The following RFC5 variants were observed in gnomAD, a reference collection of about 807,000 sequenced individuals.
The protein encoded by RFC5 is replication factor C subunit 5, also known as A1 36 kDa subunit.
RFC5 carries 26 observed loss-of-function variants against 44.3 expected under a neutral mutation model. That is an observed-to-expected ratio of 0.59 (90% CI 0.43 to 0.81). The LOEUF (loss-of-function observed/expected upper bound fraction) is 0.81. Ranked by LOEUF, RFC5 falls within the 40% of genes least tolerant of loss-of-function variation. The pLI is 0.00. For synonymous variants in RFC5, 155 were observed against 155.2 expected (o/e 1.00, Z 0.01); for missense variants, 328 against 418.6 (o/e 0.78, Z 1.89).
At chr12:118,023,408 A>AGGG (rs1566123886) in intron 5 of RFC5, among the ~76,000 whole-genome samples, 1 of 24,072 alleles carries the variant, frequency 4.2e-5, no homozygotes. Context: ...GGGGAGGAGG[A>AGGG]GGAGGGGGGA....
At chr12:118,031,135 G>A (rs1474325655) in intron 10 of RFC5, 47 bp from the exon 11 acceptor site, 1 of 1,340,158 alleles carries the variant, frequency 7.5e-7, no homozygotes, top group Non-Finnish European at 1.1e-6. Flanking sequence ...AGAAAAGGCA[G>A]CTGTGTTTGG....
intron 10 of RFC5, 99 bp downstream of exon 10, chr12:118,029,924 A>G: frequency 1.1e-6 from 1 of 874,938 alleles, no homozygotes; most frequent in Non-Finnish European, 1.9e-6. Flanking sequence ...TTTTTCCTAA[A>G]TCGTTCACAT....
chr12:118,024,215 T>C (rs1041466039), intron 5 of RFC5, among the ~76,000 whole-genome samples: 2 of 151,442 alleles, frequency 1.3e-5, no homozygotes, highest in African/African-American at 2.4e-5. Flanking sequence ...GTGGCACGTG[T>C]CTGTAGTCCC....
chr12:118,024,771 C>A, intron 5 of RFC5, 80 bp from the exon 6 acceptor site: 3 of 1,248,444 alleles, frequency 2.4e-6, no homozygotes, highest in Non-Finnish European at 3.4e-6. Flanking sequence ...CTTGTGACCA[C>A]AGAAAAATTC....
At chr12:118,017,580 A>C in intron 1 of RFC5, 1 of 835,598 alleles carries the variant, frequency 1.2e-6, no homozygotes. Flanking sequence ...AAAAGCTGCA[A>C]GTTGTCATTG....
At chr12:118,032,772 G>A (rs896758436), downstream of RFC5, 1 of 152,132 alleles carries the variant, frequency 6.6e-6, no homozygotes, top group Non-Finnish European at 1.5e-5. Context: ...TGAACTCCTG[G>A]GCTCAAGCAG....
the RFC5 span, chr12:118,038,147 T>C: frequency 1.5e-6 from 1 of 647,296 alleles, no homozygotes; most frequent in East Asian, 3.0e-5. Context: ...AAGGGACTTT[T>C]GCAGGTGGTG....
chr12:118,020,106 G>A (rs1281848354), intron 3 of RFC5, among the ~76,000 whole-genome samples: 1 of 152,170 alleles, frequency 6.6e-6, no homozygotes, highest in Non-Finnish European at 1.5e-5. Flanking sequence ...TGCCTGGAAG[G>A]CTGAGCCCTA....
chr12:118,031,262 T>C lies in RFC5; in HGVS notation c.1007T>C (p.Ile336Thr), dbSNP rs754712611. The stretch of plus-strand genomic sequence containing the variant: ...GCATTTCAAGTCACCAGAGACCTGA[T>C]TGTTGCAGAGGCCTAGATGCTCTGA... ...IAAFQVTRDL[I>T]VAEA is the part of the protein sequence containing the mutation. The change falls in exon 11 of 11, where the codon ATT (isoleucine) becomes ACT (threonine). Residue 336 changes from isoleucine to threonine, a missense_variant. Coordinates refer to ENST00000454402, the MANE Select transcript of RFC5 (RefSeq NM_007370.7). The C allele has an allele frequency of 4.3e-6, 7 of 1,612,172 alleles. No individual in the cohort carries two copies. Among genetic ancestry groups the C allele is most frequent in the Admixed American group, 1.7e-5 (1 of 59,994 alleles).
chr12:118,017,281 G>T (rs1430835827), intron 1 of RFC5, among the ~76,000 whole-genome samples: 1 of 152,154 alleles, frequency 6.6e-6, no homozygotes, highest in Non-Finnish European at 1.5e-5. Flanking sequence ...TAGTAATAAC[G>T]CTCCCTGGTC....
chr12:118,019,848 C>T lies in RFC5; in HGVS notation c.267+80C>T. On this transcript the variant is annotated intron_variant, in intron 3 of 10. Coordinates refer to ENST00000454402, the MANE Select transcript of RFC5 (RefSeq NM_007370.7). This position sits in a 1 kb window ranked among gnomAD's most constrained non-coding sequence, Gnocchi z 4.2. Reference sequence around the variant, plus strand: ...TTTCAGTTCTGCTGGTTTTATTTTACTTTAAAAGTAAGTTGCCCCACGGAC... The same window carrying T: ...TTTCAGTTCTGCTGGTTTTATTTTATTTTAAAAGTAAGTTGCCCCACGGAC... 1 of 1,241,044 alleles carries T rather than the reference C, an allele frequency of 8.1e-7. No individual in the cohort carries two copies. The highest frequency in any genetic ancestry group is 1.1e-6 in the Non-Finnish European group (1 of 877,226). The allele number at this position is 1,241,044 out of a possible 1,614,324, so 76.9% of individuals were successfully genotyped here.
chr12:118,028,426 A>G (rs2031095838), intron 9 of RFC5, among the ~76,000 whole-genome samples: 2 of 150,756 alleles, frequency 1.3e-5, no homozygotes, highest in Admixed American at 6.7e-5. Flanking sequence ...TGGAGGTTGC[A>G]GTGAGCCAAG....
At chr12:118,021,563 A>C (rs963851572) in intron 4 of RFC5, among the ~76,000 whole-genome samples, 3 of 151,904 alleles carry the variant, frequency 2.0e-5, no homozygotes, top group Admixed American at 6.6e-5. Flanking sequence ...AGAACTGGCT[A>C]GATTACCCTA....
chr12:118,034,672 G>A (rs770959744), downstream of RFC5: 93 of 489,912 alleles, frequency 1.9e-4, no homozygotes, highest in Non-Finnish European at 2.7e-4. Flanking sequence ...AATTATAGAT[G>A]TTACCTGTAA....
Position 118,019,564 on chromosome 12 carries a change from C to A in RFC5, c.131-68C>A. The A allele has an allele frequency of 1.3e-6, 2 of 1,586,406 alleles. No homozygotes were observed. Among genetic ancestry groups the A allele is most frequent in the Non-Finnish European group, 8.6e-7 (1 of 1,160,388 alleles). The stretch of plus-strand genomic sequence containing the variant: ...GGGTTGAAGAGCTTTCAGCCCAACT[C>A]AGGAGCCCAGGGTGAATGAGGCAGC... On this transcript the variant is annotated intron_variant, in intron 2 of 10. Coordinates refer to ENST00000454402, the MANE Select transcript of RFC5 (RefSeq NM_007370.7). The surrounding 1 kb of genome is among the most constrained non-coding windows in gnomAD (Gnocchi z 4.2).
Position 118,028,035 on chromosome 12 carries a change from C to CT in RFC5, c.871+7dup. On this transcript the variant is annotated splice_donor_region_variant and intron_variant, in intron 9 of 10. Transcript: ENST00000454402. The stretch of plus-strand genomic sequence containing the variant: ...TACACTTGTTTGTGCATAGAGGTAA[C>CT]TTACATTATCCCCCAGCTGAGAAGC... 1 of 1,575,398 alleles carries CT rather than the reference C, an allele frequency of 6.3e-7. No individual in the cohort carries two copies.
chr12:118,027,981 G>T lies in RFC5; in HGVS notation c.822G>T (p.Gly274=), dbSNP rs150426000. 2 of 1,610,534 alleles carry T rather than the reference G, an allele frequency of 1.2e-6. No homozygotes were observed. Among genetic ancestry groups the T allele is most frequent in the African/African-American group, 2.7e-5 (2 of 74,814 alleles). ...RNITELKTLK[G]LALHDILTEI... is the part of the protein sequence containing the mutation. ...TTACAGAGTTGAAAACTCTGAAGGG[G>T]TTGGCACTGCATGATATCCTGACAG... Residue 274 remains glycine, a synonymous_variant, in exon 9 of 11, where the codon GGG becomes GGT. Transcript: ENST00000454402.
intron 10 of RFC5, among the ~76,000 whole-genome samples, chr12:118,030,707 C>T (rs923118336): frequency 5.3e-5 from 8 of 152,292 alleles, no homozygotes; most frequent in African/African-American, 1.9e-4. Context: ...GATGCAGTCT[C>T]GGCTCACTGC....
chr12:118,027,094 C>T lies in RFC5; in HGVS notation c.793+76C>T, dbSNP rs2031000444. The T allele has an allele frequency of 2.7e-6, 4 of 1,460,762 alleles. No homozygotes were observed. In the African/African-American group the frequency reaches 4.2e-5, roughly 15 times the overall value. The allele number at this position is 1,460,762 out of a possible 1,614,324, so 90.5% of individuals were successfully genotyped here. ...GAGTTCAGGTTGCAGCCAGCACCCA[C>T]ACCTTGCTGGCAAAGGATGACTGGC... On this transcript the variant is annotated intron_variant, in intron 8 of 10. Coordinates refer to ENST00000454402, the MANE Select transcript of RFC5 (RefSeq NM_007370.7).
Sources: gnomAD v4.1 joint callset for allele counts (sites outside exome capture counted in the v4.1 genomes callset) on GRCh38, gnomAD v4.1.1 for gene constraint, Gnocchi (gnomAD v3.1) non-coding constraint, MANE v1.5 for transcripts, NCBI Gene and HGNC (gene_info 2026-07-23, HGNC 2026-07-21) for gene names.